The following KIFAP3 variants were observed in gnomAD, a reference collection of about 807,000 sequenced individuals.
The protein encoded by KIFAP3 is kinesin-associated protein 3.
In KIFAP3, 68 loss-of-function variants were observed where a neutral mutation model predicts 106.5. The observed-to-expected ratio is 0.64, with a 90% CI of 0.53 to 0.78. The LOEUF is 0.78. KIFAP3 is among the 30% of genes least tolerant of loss of function. KIFAP3 has a pLI of 0.00. For synonymous variants in KIFAP3, 320 were observed against 311.5 expected (o/e 1.03, Z -0.29); for missense variants, 780 against 941.8 (o/e 0.83, Z 2.25).
intron 1 of KIFAP3, among the ~76,000 whole-genome samples, chr1:170,055,687 T>C (rs78889084): frequency 0.063 from 9,591 of 152,138 alleles, 388 homozygotes; most frequent in Non-Finnish European, 0.095. Flanking sequence ...TATAAATAGT[T>C]CTACCTAAGA....
chr1:170,018,588 TTATTAATCCTTTGA>T (rs1668641817), intron 9 of KIFAP3, among the ~76,000 whole-genome samples: 2 of 122,948 alleles, frequency 1.6e-5, no homozygotes, highest in Non-Finnish European at 3.6e-5. Flanking sequence ...AATCAAAGGA[TTATTAATCCTTTGA>T]TTATTTAATC....
intron 10 of KIFAP3, among the ~76,000 whole-genome samples, chr1:170,003,444 T>C (rs1667768122): frequency 6.6e-6 from 1 of 152,174 alleles, no homozygotes; most frequent in South Asian, 2.1e-4. Context: ...CCACACCTAC[T>C]GGGGGGTGCC....
chr1:170,064,455 G>A (rs1275528992), intron 1 of KIFAP3, among the ~76,000 whole-genome samples: 2 of 152,164 alleles, frequency 1.3e-5, no homozygotes, highest in African/African-American at 2.4e-5. Context: ...CCAGGCTCAG[G>A]CAATCCTCCC....
At position 170,055,306 on chromosome 1, in the gene KIFAP3, T is replaced by C; in HGVS notation, c.163A>G (p.Ile55Val). ...MLGERKECQKIIRLKSLNANT... is the reference protein window; with the variant it reads ...MLGERKECQKVIRLKSLNANT... The stretch of plus-strand genomic sequence containing the variant: ...AATGTGCACAAATAAAGAACTTACA[T>C]TTTTTGACATTCTTTTCGTTCTCCC... The change falls in exon 2 of 20, where the codon ATC becomes GTC. Residue 55 changes from isoleucine (I) to valine (V), a missense_variant and splice_region_variant. Ile to Val is a conservative substitution (Grantham distance 29). Around this residue, in one of 3 missense-constraint regions of KIFAP3, gnomAD observed 588 missense variants for 678.9 expected, o/e 0.87. Coordinates refer to ENST00000361580, the MANE Select transcript of KIFAP3 (RefSeq NM_014970.4). The C allele has an allele frequency of 6.3e-7, 1 of 1,594,850 alleles. No individual in the cohort carries two copies. Among genetic ancestry groups the C allele is most frequent in the Admixed American group, 1.8e-5 (1 of 54,400 alleles).
intron 3 of KIFAP3, chr1:170,041,870 T>G (rs1052196396): frequency 5.8e-6 from 8 of 1,384,052 alleles, no homozygotes; most frequent in Non-Finnish European, 7.5e-6. Context: ...TAAGGGGAAT[T>G]TCCCCAACTG....
chr1:169,960,589 C>A (rs1056185390), intron 18 of KIFAP3, among the ~76,000 whole-genome samples: 3 of 152,052 alleles, frequency 2.0e-5, no homozygotes, highest in Non-Finnish European at 4.4e-5. Context: ...CCTAAATCGT[C>A]CCCAAAGTTA....
At chr1:170,020,654 T>C (rs1004710663) in intron 9 of KIFAP3, among the ~76,000 whole-genome samples, 1 of 152,142 alleles carries the variant, frequency 6.6e-6, no homozygotes, top group African/African-American at 2.4e-5. Context: ...TTCACTGTAT[T>C]AGTCACGATG....
At chr1:170,055,755 A>G (rs1292461365) in intron 1 of KIFAP3, among the ~76,000 whole-genome samples, 1 of 152,196 alleles carries the variant, frequency 6.6e-6, no homozygotes, top group African/African-American at 2.4e-5. Flanking sequence ...AACATAAACA[A>G]GTAAGACAGC....
At chr1:169,996,155 A>G (rs1264597665) in intron 10 of KIFAP3, among the ~76,000 whole-genome samples, 7 of 152,080 alleles carry the variant, frequency 4.6e-5, no homozygotes, top group Non-Finnish European at 4.4e-5. Flanking sequence ...GCTCTTATGT[A>G]CTTTCTCATT....
intron 19 of KIFAP3, among the ~76,000 whole-genome samples, chr1:169,932,423 T>C (rs1663543263): frequency 6.6e-6 from 1 of 152,144 alleles, no homozygotes; most frequent in Non-Finnish European, 1.5e-5. Flanking sequence ...TAACCTTTAG[T>C]TACTGTAGTT....
At chr1:169,928,919 T>C (rs1356231087) in intron 19 of KIFAP3, among the ~76,000 whole-genome samples, 1 of 152,106 alleles carries the variant, frequency 6.6e-6, no homozygotes, top group African/African-American at 2.4e-5. Context: ...AGCTTGCCCC[T>C]ATCTTCTACA....
Position 170,019,578 on chromosome 1 carries a change from G to GA in KIFAP3, c.1021-2955dup, listed in dbSNP as rs141409701. ...AGTCTTTAGACTGTTGCGAATATGC[G>GA]AAAAACCCATATGATTATCTCAGTA... On this transcript the variant is annotated intron_variant, in intron 9 of 19. Transcript: ENST00000361580. 8.4e-3 allele frequency among the ~76,000 whole-genome samples: 1,280 copies of GA among 152,080 alleles called. 22 individuals carry two copies. The highest frequency in any genetic ancestry group is 0.028 in the African/African-American group (1,163 of 41,482).
intron 19 of KIFAP3, among the ~76,000 whole-genome samples, chr1:169,932,717 G>GATTT (rs1558173556): frequency 7.1e-6 from 1 of 141,822 alleles, no homozygotes. Context: ...TTAATGTTAA[G>GATTT]TTTTTTTTTT....
chr1:169,925,208 C>T (rs748737738), intron 19 of KIFAP3, among the ~76,000 whole-genome samples: 3 of 152,030 alleles, frequency 2.0e-5, no homozygotes, highest in Non-Finnish European at 4.4e-5. Context: ...TTATTTAGTG[C>T]CATTTCACCT....
chr1:170,024,466 C>A lies in KIFAP3; in HGVS notation c.972G>T (p.Val324=). ...AAATGCTGAGTTTCTTCAAGAATGACACAACTAAAATTAGCAGCTCAAAAT... is the reference window on the plus strand; with the variant it reads ...AAATGCTGAGTTTCTTCAAGAATGAAACAACTAAAATTAGCAGCTCAAAAT... The part of the protein sequence containing the change: ...RDNFELLILV[V]SFLKKLSIFM... Residue 324 remains valine, a synonymous_variant, in exon 9 of 20, where the codon GTG becomes GTT. Coordinates refer to ENST00000361580, the MANE Select transcript of KIFAP3 (RefSeq NM_014970.4). 6.3e-7 allele frequency: 1 copy of A among 1,597,786 alleles called. No homozygotes were observed. The highest frequency in any genetic ancestry group is 8.5e-7 in the Non-Finnish European group (1 of 1,172,056).
chr1:169,942,098 TC>T (rs1664155023), intron 19 of KIFAP3, among the ~76,000 whole-genome samples: 1 of 152,184 alleles, frequency 6.6e-6, no homozygotes, highest in African/African-American at 2.4e-5. Context: ...TTTTTTGAAA[TC>T]CTTGAAATTC....
intron 13 of KIFAP3, among the ~76,000 whole-genome samples, 171 bp from the exon 14 acceptor site, chr1:169,983,038 T>C (rs1666609487): frequency 6.6e-6 from 1 of 151,962 alleles, no homozygotes; most frequent in African/African-American, 2.4e-5. Context: ...TGAACTGGTT[T>C]AAGGCAAGAA....
chr1:169,958,774 T>C (rs1277414326), intron 18 of KIFAP3, among the ~76,000 whole-genome samples: 2 of 152,192 alleles, frequency 1.3e-5, no homozygotes, highest in African/African-American at 4.8e-5. Context: ...ATATTTCCTC[T>C]ATGGGTAAAA....
At chr1:169,982,138 C>T in intron 14 of KIFAP3, 41 bp from the exon 15 acceptor site, 1 of 1,596,186 alleles carries the variant, frequency 6.3e-7, no homozygotes. Context: ...CTGAAATGTC[C>T]TGATCCAAAT....
Sources: gnomAD v4.1 joint callset for allele counts (sites outside exome capture counted in the v4.1 genomes callset) on GRCh38, gnomAD v4.1.1 for gene constraint, gnomAD v4.1.1 regional missense constraint, MANE v1.5 for transcripts, NCBI Gene and HGNC (gene_info 2026-07-23, HGNC 2026-07-21) for gene names.